Variants in CPE observed in about 807,000 individuals in gnomAD.
CPE encodes carbocypeptidase E.
Under a neutral mutation model 53.5 loss-of-function variants are expected in CPE, and 17 were observed. The observed-to-expected ratio is 0.32, with a 90% CI of 0.22 to 0.48. The LOEUF (loss-of-function observed/expected upper bound fraction) is 0.48, where lower values mean the gene tolerates loss of function less well. Among genes scored for constraint, CPE ranks in the 20% least tolerant of loss-of-function variants. The pLI, the probability that CPE is intolerant of heterozygous loss-of-function variation, is 0.99. For missense variants in CPE, 524 were observed against 614.7 expected (o/e 0.85, Z 1.56); for synonymous variants, 226 against 228.8 (o/e 0.99, Z 0.11).
At chr4:165,494,570 A>T (rs746801004) in intron 7 of CPE, among the ~76,000 whole-genome samples, 15 of 152,222 alleles carry the variant, frequency 9.9e-5, no homozygotes, top group Admixed American at 2.6e-4. Context: ...GAATCCTTGG[A>T]TTTAGCAGTT....
chr4:165,385,037 C>T (rs1175148193), intron 1 of CPE, among the ~76,000 whole-genome samples: 1 of 152,118 alleles, frequency 6.6e-6, no homozygotes, highest in African/African-American at 2.4e-5. Context: ...CACCACAATT[C>T]TTCTTTTATT....
intron 7 of CPE, among the ~76,000 whole-genome samples, chr4:165,494,213 T>A (rs1354961729): frequency 2.0e-5 from 3 of 152,176 alleles, no homozygotes; most frequent in Non-Finnish European, 4.4e-5. Flanking sequence ...AGCCCTTAGC[T>A]GAGAGGGTGA....
intron 8 of CPE, among the ~76,000 whole-genome samples, chr4:165,496,239 A>G (rs1431995180): frequency 6.6e-6 from 1 of 152,206 alleles, no homozygotes; most frequent in Non-Finnish European, 1.5e-5. Context: ...CCGTGGGAAT[A>G]CCTGTAGGAT....
intron 1 of CPE, among the ~76,000 whole-genome samples, chr4:165,399,736 A>C (rs1006799270): frequency 2.0e-5 from 3 of 152,170 alleles, no homozygotes; most frequent in Non-Finnish European, 4.4e-5. Context: ...ATATGTTATG[A>C]TAAGATAGAA....
At chr4:165,396,377 G>A (rs1440855888) in intron 1 of CPE, among the ~76,000 whole-genome samples, 1 of 152,176 alleles carries the variant, frequency 6.6e-6, no homozygotes, top group Non-Finnish European at 1.5e-5. Context: ...GTTAAGATAG[G>A]CTGGTCATGG....
chr4:165,470,179 G>A (rs938449475), intron 3 of CPE, among the ~76,000 whole-genome samples: 3 of 152,242 alleles, frequency 2.0e-5, no homozygotes, highest in African/African-American at 7.2e-5. Flanking sequence ...AATGAAAGGA[G>A]GTAAAGTACA....
intron 1 of CPE, among the ~76,000 whole-genome samples, chr4:165,393,598 A>G (rs1730718087): frequency 6.6e-6 from 1 of 152,192 alleles, no homozygotes; most frequent in Non-Finnish European, 1.5e-5. Flanking sequence ...ATTTTCTGAT[A>G]CACAGTTGGA....
At chr4:165,466,665 T>A (rs1732109708) in intron 2 of CPE, among the ~76,000 whole-genome samples, 1 of 152,070 alleles carries the variant, frequency 6.6e-6, no homozygotes. Flanking sequence ...TACAGGCACG[T>A]GCCATCATGC....
chr4:165,452,539 T>C (rs1731830686), intron 1 of CPE, among the ~76,000 whole-genome samples: 1 of 152,234 alleles, frequency 6.6e-6, no homozygotes, highest in Admixed American at 6.5e-5. Context: ...AGAATAAGGT[T>C]CTTTAAATTT....
rs975165011 is a variant in CPE, at chr4:165,379,706, T to C, written c.307+178T>C. Among the ~76,000 whole-genome samples the C allele has an allele frequency of 1.3e-4, 20 of 152,164 alleles. No individual in the cohort carries two copies. The highest frequency in any genetic ancestry group is 4.8e-4 in the African/African-American group (20 of 41,522). ...GGATGGAAATGGGGAAGAACCCGAC[T>C]TAGAGCGCCAGTGGCCCAATTTCTG... is the stretch of plus-strand genomic sequence containing the variant. On this transcript the variant is annotated intron_variant, in intron 1 of 8. Transcript: ENST00000402744. The surrounding 1 kb of genome is among the most constrained non-coding windows in gnomAD (Gnocchi z 6.0).
chr4:165,381,868 T>C (rs1473129785), intron 1 of CPE, among the ~76,000 whole-genome samples: 2 of 152,226 alleles, frequency 1.3e-5, no homozygotes, highest in East Asian at 3.8e-4. Flanking sequence ...TTTTAAGAAG[T>C]AAAAAGGAAT....
At chr4:165,461,166 CAAAAAAA>C (rs1173022270) in intron 1 of CPE, among the ~76,000 whole-genome samples, 2 of 44,204 alleles carry the variant, frequency 4.5e-5, no homozygotes, top group South Asian at 1.1e-3. Context: ...GCCTCTGCCT[CAAAAAAA>C]AAAAAAAAAA....
Position 165,379,037 on chromosome 4 carries a change from G to T in CPE, c.-185G>T, listed in dbSNP as rs1730455634. 6.8e-6 allele frequency: 3 copies of T among 441,106 alleles called. No homozygotes were observed. Among genetic ancestry groups the T allele is most frequent in the Non-Finnish European group, 3.6e-6 (1 of 279,678 alleles). 27.3% of individuals were successfully genotyped at this position (441,106 alleles called of 1,614,324 possible). On this transcript the variant is annotated 5_prime_UTR_variant, in exon 1 of 9. Coordinates refer to ENST00000402744, the MANE Select transcript of CPE (RefSeq NM_001873.4). The surrounding 1 kb of genome is among the most constrained non-coding windows in gnomAD (Gnocchi z 6.0). ...GTGCAGCCCGTGGAGCCGCGGCTTT[G>T]CCCGTCTCCTCTGGGTGGCCCCAGT...
At chr4:165,386,867 A>G (rs967975925) in intron 1 of CPE, among the ~76,000 whole-genome samples, 4 of 152,224 alleles carry the variant, frequency 2.6e-5, no homozygotes, top group African/African-American at 9.6e-5. Flanking sequence ...GAAGATATGT[A>G]TCTCCAGGTT....
rs750092239 is a variant in CPE, at chr4:165,495,623, A to G, written c.1278A>G (p.Pro426=). The change falls in exon 8 of 9, where the codon CCA becomes CCG. Residue 426 remains proline, a synonymous_variant. Transcript: ENST00000402744. ...ACTATAAACTTACAGCCTCAGCTCC[A>G]GGCTATCTGGCAATAACAAAGAAAG... is the stretch of plus-strand genomic sequence containing the variant. ...PGNYKLTASA[P]GYLAITKKVA... 4 of 1,614,032 alleles carry G rather than the reference A, an allele frequency of 2.5e-6. No individual in the cohort carries two copies. Among genetic ancestry groups the G allele is most frequent in the African/African-American group, 1.3e-5 (1 of 75,046 alleles).
chr4:165,418,564 C>A (rs1731160702), intron 1 of CPE, among the ~76,000 whole-genome samples: 1 of 152,092 alleles, frequency 6.6e-6, no homozygotes, highest in African/African-American at 2.4e-5. Context: ...ATGAGAGATG[C>A]GTTATTCCAT....
At chr4:165,439,670 A>T (rs1361988777) in intron 1 of CPE, among the ~76,000 whole-genome samples, 1 of 152,062 alleles carries the variant, frequency 6.6e-6, no homozygotes, top group Non-Finnish European at 1.5e-5. Context: ...TTCCTCTTAC[A>T]AAAAATCCAG....
At chr4:165,416,132 G>C (rs896417864) in intron 1 of CPE, among the ~76,000 whole-genome samples, 1 of 152,180 alleles carries the variant, frequency 6.6e-6, no homozygotes, top group Non-Finnish European at 1.5e-5. Flanking sequence ...CAACTCAACC[G>C]TAACAGTAGC....
chr4:165,437,333 T>A (rs1364794007), intron 1 of CPE, among the ~76,000 whole-genome samples: 1 of 152,198 alleles, frequency 6.6e-6, no homozygotes, highest in Non-Finnish European at 1.5e-5. Context: ...ATGTCCCCTC[T>A]GGACACCATT....
Sources: allele counts gnomAD v4.1 joint callset (sites outside exome capture counted in the v4.1 genomes callset), GRCh38; gene constraint gnomAD v4.1.1; non-coding constraint Gnocchi (gnomAD v3.1); transcripts MANE v1.5; gene names NCBI Gene and HGNC (gene_info 2026-07-23, HGNC 2026-07-21).